The following LIN28B variants were observed in gnomAD, a reference collection of about 807,000 sequenced individuals.
LIN28B encodes the protein lin-28 RNA binding posttranscriptional regulator B, also known as protein lin-28 homolog B.
In LIN28B, 5 loss-of-function variants were observed where a neutral mutation model predicts 21.9. The observed-to-expected ratio is 0.23, with a 90% confidence interval of 0.12 to 0.48. The LOEUF (loss-of-function observed/expected upper bound fraction) is 0.48. Among genes scored for constraint, LIN28B ranks in the 20% least tolerant of loss-of-function variants. LIN28B has a pLI of 0.98. For synonymous variants in LIN28B, 109 were observed against 111.3 expected (o/e 0.98, Z 0.13); for missense variants, 245 against 310.5 (o/e 0.79, Z 1.58).
At chr6:105,012,429 A>G (rs1770943694) in intron 2 of LIN28B, among the ~76,000 whole-genome samples, 2 of 151,810 alleles carry the variant, frequency 1.3e-5, no homozygotes, top group Non-Finnish European at 2.9e-5. Context: ...AGATCACACC[A>G]TTGCACTCCA....
At chr6:105,005,850 T>C (rs546890861) in intron 2 of LIN28B, among the ~76,000 whole-genome samples, 8 of 152,368 alleles carry the variant, frequency 5.3e-5, no homozygotes, top group Admixed American at 2.6e-4. Context: ...TTTTGGAGGA[T>C]TTAATCAATT....
chr6:105,003,109 T>C (rs1345557527), intron 2 of LIN28B, among the ~76,000 whole-genome samples: 1 of 152,232 alleles, frequency 6.6e-6, no homozygotes, highest in Admixed American at 6.5e-5. Flanking sequence ...TCTAAGCATT[T>C]TCTTCCCATA....
At chr6:104,939,055 TAAAAA>T (rs374303300) in intron 2 of LIN28B, among the ~76,000 whole-genome samples, 31 of 151,892 alleles carry the variant, frequency 2.0e-4, no homozygotes, top group African/African-American at 7.5e-4. Context: ...ACATAGCTAT[TAAAAA>T]AAACAGTTCA....
chr6:105,036,336 C>G (rs1231291178), intron 3 of LIN28B, among the ~76,000 whole-genome samples: 1 of 152,140 alleles, frequency 6.6e-6, no homozygotes, highest in Non-Finnish European at 1.5e-5. Flanking sequence ...CATATGGTGA[C>G]TAAGGAAATT....
chr6:104,942,030 C>A (rs1236739612), intron 2 of LIN28B, among the ~76,000 whole-genome samples: 1 of 152,224 alleles, frequency 6.6e-6, no homozygotes, highest in South Asian at 2.1e-4. Context: ...TCCTTGAGTT[C>A]CCTTCAGTTC....
Position 105,080,687 on chromosome 6 carries a change from G to A in LIN28B, c.*1904G>A, listed in dbSNP as rs1274890788. 1.3e-5 allele frequency: 2 copies of A among 152,612 alleles called. No individual in the cohort carries two copies. The highest frequency in any genetic ancestry group is 2.9e-5 in the Non-Finnish European group (2 of 68,042). The allele number at this position is 152,612 out of a possible 1,614,324, so 9.5% of individuals were successfully genotyped here. Reference sequence around the variant, plus strand: ...AGGATTTCAAACTTATTTAAATTATGTAGACAAATCAAAGTGGCATTGCTT... The same window carrying A: ...AGGATTTCAAACTTATTTAAATTATATAGACAAATCAAAGTGGCATTGCTT... On this transcript the variant is annotated 3_prime_UTR_variant, in exon 4 of 4. Transcript: ENST00000345080.
Position 104,958,121 on chromosome 6 carries a change from A to T in LIN28B, c.33A>T (p.Gly11=), listed in dbSNP as rs1200007015. ...CAGGCGGGGCTAGCAAAGGTGGTGG[A>T]GAAGAGCCCGGGAAGCTGCCGGAGC... MAEGGASKGG[G]EEPGKLPEPA... The change falls in exon 2 of 4, where the codon GGA becomes GGT. Residue 11 remains glycine, a synonymous_variant. Coordinates refer to ENST00000345080, the MANE Select transcript of LIN28B (RefSeq NM_001004317.4). The T allele has an allele frequency of 6.3e-7, 1 of 1,597,994 alleles. No homozygotes were observed. Among genetic ancestry groups the T allele is most frequent in the Non-Finnish European group, 8.6e-7 (1 of 1,169,372 alleles).
chr6:104,962,743 A>G (rs1396110528), intron 2 of LIN28B, among the ~76,000 whole-genome samples: 2 of 152,130 alleles, frequency 1.3e-5, no homozygotes, highest in African/African-American at 4.8e-5. Context: ...TTGCTAATTA[A>G]TTAACCATGT....
intron 3 of LIN28B, among the ~76,000 whole-genome samples, chr6:105,065,206 C>G (rs1262618759): frequency 6.6e-6 from 1 of 152,138 alleles, no homozygotes; most frequent in Non-Finnish European, 1.5e-5. Flanking sequence ...GTCTTAGCAG[C>G]TTGACCATCA....
At chr6:104,947,879 TATA>T (rs1778175445) in intron 2 of LIN28B, among the ~76,000 whole-genome samples, 2 of 151,946 alleles carry the variant, frequency 1.3e-5, no homozygotes, top group African/African-American at 4.8e-5. Flanking sequence ...ATGCCAGAAT[TATA>T]ATAATGAGCT....
intron 3 of LIN28B, among the ~76,000 whole-genome samples, chr6:105,042,721 G>C (rs1771661696): frequency 1.3e-5 from 2 of 151,774 alleles, no homozygotes; most frequent in African/African-American, 4.8e-5. Flanking sequence ...ACTGGTTTAT[G>C]TTAAAAATTA....
intron 2 of LIN28B, among the ~76,000 whole-genome samples, chr6:104,980,313 T>C (rs940791822): frequency 6.6e-6 from 1 of 152,178 alleles, no homozygotes; most frequent in Non-Finnish European, 1.5e-5. Context: ...AGAGATGAGT[T>C]TTTATCTCTT....
chr6:105,000,991 ATT>A (rs138986097), intron 2 of LIN28B, among the ~76,000 whole-genome samples: 3,387 of 152,254 alleles, frequency 0.022, 132 homozygotes, highest in African/African-American at 0.079. Flanking sequence ...ACATATATAT[ATT>A]GACATTTATG....
chr6:104,997,095 C>T (rs192698211), intron 2 of LIN28B, among the ~76,000 whole-genome samples: 3 of 152,162 alleles, frequency 2.0e-5, no homozygotes, highest in Admixed American at 2.0e-4. Flanking sequence ...TCCTGGCTAA[C>T]ACGGTGAAGC....
chr6:105,047,677 G>A (rs747354244), intron 3 of LIN28B, among the ~76,000 whole-genome samples: 1 of 152,238 alleles, frequency 6.6e-6, no homozygotes, highest in South Asian at 2.1e-4. Context: ...GTTTGTTTGT[G>A]TCCTCTTTTA....
At chr6:104,980,984 T>G (rs1770210278) in intron 2 of LIN28B, among the ~76,000 whole-genome samples, 1 of 152,156 alleles carries the variant, frequency 6.6e-6, no homozygotes. Flanking sequence ...TAGCCCATTC[T>G]TAAGATAATG....
At chr6:104,995,826 A>G (rs1285628150) in intron 2 of LIN28B, among the ~76,000 whole-genome samples, 1 of 152,154 alleles carries the variant, frequency 6.6e-6, no homozygotes, top group Non-Finnish European at 1.5e-5. Context: ...TGAACTAAAT[A>G]TAAACTAAAC....
At chr6:104,963,533 G>A (rs1769797762) in intron 2 of LIN28B, among the ~76,000 whole-genome samples, 1 of 152,124 alleles carries the variant, frequency 6.6e-6, no homozygotes, top group African/African-American at 2.4e-5. Flanking sequence ...CCTTTCTCCT[G>A]TTTTAAAGAT....
At chr6:104,976,574 T>C (rs1038227361) in intron 2 of LIN28B, among the ~76,000 whole-genome samples, 5 of 152,108 alleles carry the variant, frequency 3.3e-5, no homozygotes, top group Admixed American at 6.5e-5. Context: ...TCCCACAGAG[T>C]GTAAAGTGCC....
Sources: allele counts gnomAD v4.1 joint callset (sites outside exome capture counted in the v4.1 genomes callset), GRCh38; gene constraint gnomAD v4.1.1; transcripts MANE v1.5; gene names NCBI Gene and HGNC (gene_info 2026-07-23, HGNC 2026-07-21).